SEC23B: variants seen among roughly 807,000 people sequenced by gnomAD.
SEC23B encodes the protein SEC23 homolog B, COPII component.
Under a neutral mutation model 104.3 loss-of-function variants are expected in SEC23B, and 77 were observed. The observed-to-expected ratio is 0.74, with a 90% CI of 0.61 to 0.89. SEC23B has a LOEUF of 0.89. Ranked by LOEUF, SEC23B falls within the 40% of genes least tolerant of loss-of-function variation. The pLI, the probability that SEC23B is intolerant of heterozygous loss-of-function variation, is 0.00. For synonymous variants in SEC23B, 338 were observed against 332.5 expected, an observed-to-expected ratio of 1.02 and a Z score of -0.18; for missense variants, 885 against 949.4, an observed-to-expected ratio of 0.93 and a Z score of 0.89.
chr20:18,558,567 C>G (rs2060462840), intron 19 of SEC23B, among the ~76,000 whole-genome samples: 1 of 152,100 alleles, frequency 6.6e-6, no homozygotes, highest in Non-Finnish European at 1.5e-5. Flanking sequence ...TTTGCAGTAC[C>G]CCAGGTACTA....
In SEC23B at chr20:18,510,852, A is replaced by C. The variant is rs369908885; in HGVS notation, c.17A>C (p.Glu6Ala). 9 of 1,613,912 alleles carry C rather than the reference A, an allele frequency of 5.6e-6. No individual in the cohort carries two copies. The highest frequency in any genetic ancestry group is 7.6e-6 in the Non-Finnish European group (9 of 1,179,794). Residue 6 changes from glutamate to alanine, a missense_variant, in exon 2 of 20, where the codon GAG (glutamate) becomes GCG (alanine). Physicochemically the swap from Glu to Ala is moderately radical, Grantham distance 107 (BLOSUM62 -1). Transcript: ENST00000650089. Reference sequence around the variant, plus strand: ...TTTTAGACTATGGCGACATACCTGGAGTTCATCCAGCAGAATGAAGAACGG... The same window carrying C: ...TTTTAGACTATGGCGACATACCTGGCGTTCATCCAGCAGAATGAAGAACGG... MATYLEFIQQNEERDG... is the reference protein window; with the variant it reads MATYLAFIQQNEERDG...
In SEC23B at chr20:18,510,970, G is replaced by C; in HGVS notation, c.135G>C (p.Leu45Phe). 1 of 1,614,134 alleles carries C rather than the reference G, an allele frequency of 6.2e-7. No individual in the cohort carries two copies. ...CCCTGGCTTGTCTCCTTACTCCTTTGAAAGAACGTCCAGACCTACCTCCTG... is the reference window on the plus strand; with the variant it reads ...CCCTGGCTTGTCTCCTTACTCCTTTCAAAGAACGTCCAGACCTACCTCCTG... ...VVPLACLLTP[L>F]KERPDLPPVQ... Residue 45 changes from leucine (L) to phenylalanine (F), a missense_variant, in exon 2 of 20, where the codon TTG becomes TTC. Transcript: ENST00000650089.
At chr20:18,522,353 C>T (rs986413175) in intron 4 of SEC23B, among the ~76,000 whole-genome samples, 2 of 152,304 alleles carry the variant, frequency 1.3e-5, no homozygotes, top group South Asian at 2.1e-4. Context: ...AGGCTGTCTT[C>T]CTGAGTCCGT....
In SEC23B at chr20:18,510,978, G is replaced by A. The variant is rs1350420225; in HGVS notation, c.143G>A (p.Arg48His). The change falls in exon 2 of 20, where the codon CGT becomes CAT. Residue 48 changes from arginine (R) to histidine (H), a missense_variant. Arg to His is a conservative substitution (Grantham distance 29). Coordinates refer to ENST00000650089, the MANE Select transcript of SEC23B (RefSeq NM_006363.6). ...TGTCTCCTTACTCCTTTGAAAGAACGTCCAGACCTACCTCCTGTACAATAT... is the reference window on the plus strand; with the variant it reads ...TGTCTCCTTACTCCTTTGAAAGAACATCCAGACCTACCTCCTGTACAATAT... ...LACLLTPLKE[R>H]PDLPPVQYEP... is the part of the protein sequence containing the mutation. The A allele has an allele frequency of 1.2e-6, 2 of 1,614,098 alleles. No homozygotes were observed. Among genetic ancestry groups the A allele is most frequent in the Non-Finnish European group, 1.7e-6 (2 of 1,180,002 alleles).
At chr20:18,508,496 CT>C (rs1600221550) in intron 1 of SEC23B, among the ~76,000 whole-genome samples, 1 of 152,260 alleles carries the variant, frequency 6.6e-6, no homozygotes, top group East Asian at 1.9e-4. Context: ...TTCCCCGATA[CT>C]TTGGTAAAAG....
At chr20:18,537,761 TA>T (rs946815528) in intron 12 of SEC23B, among the ~76,000 whole-genome samples, 1 of 151,960 alleles carries the variant, frequency 6.6e-6, no homozygotes, top group Admixed American at 6.5e-5. Context: ...AATAAATAAA[TA>T]AAAAAACCTG....
At chr20:18,547,581 C>T (rs1413313609) in intron 15 of SEC23B, among the ~76,000 whole-genome samples, 2 of 152,152 alleles carry the variant, frequency 1.3e-5, no homozygotes, top group Non-Finnish European at 2.9e-5. Context: ...TGCACCAACA[C>T]TTCACCATCC....
rs368409065 is a variant in SEC23B at position 18,560,686 on chromosome 20, C to T, written c.2250C>T (p.Ser750=). The T allele has an allele frequency of 2.5e-6, 4 of 1,614,040 alleles. No homozygotes were observed. The South Asian group carries it at 4.4e-5, about 18-fold the overall frequency. ...CACCCATCCTAACTGATGATGTTAG[C>T]CTGCAGGTGTTCATGGACCATTTGA... The part of the protein sequence containing the change: ...TGAPILTDDV[S]LQVFMDHLKK... The change falls in exon 20 of 20, where the codon AGC becomes AGT. Residue 750 remains serine (S), a synonymous_variant. Coordinates refer to ENST00000650089, the MANE Select transcript of SEC23B (RefSeq NM_006363.6).
rs1466936891 is a variant in SEC23B, at chr20:18,554,813, T to C, written c.2149-295T>C. On this transcript the variant is annotated intron_variant, in intron 18 of 19. Transcript: ENST00000650089. ...CTGCACTCCAGCTGGGGCTACAGAG[T>C]GAGACTCCGTCTCAAAAAAAAAAAA... is the stretch of plus-strand genomic sequence containing the variant. Among the ~76,000 whole-genome samples, 4 of 118,884 alleles carry C rather than the reference T, an allele frequency of 3.4e-5. No homozygotes were observed. The Admixed American group carries it at 3.9e-4, about 12-fold the overall frequency. The allele number at this position is 118,884 out of a possible 152,430, so 78.0% of individuals were successfully genotyped here. A position where few individuals can be genotyped will look rare whatever the true frequency, so the allele number is the denominator to read the frequency against.
At chr20:18,552,649 A>G (rs1001909991) in intron 17 of SEC23B, among the ~76,000 whole-genome samples, 2 of 152,118 alleles carry the variant, frequency 1.3e-5, no homozygotes. Context: ...CCCTGTCTCT[A>G]CTAAAAATAC....
At chr20:18,538,767 AG>A (rs1299855651) in intron 12 of SEC23B, among the ~76,000 whole-genome samples, 1 of 152,208 alleles carries the variant, frequency 6.6e-6, no homozygotes, top group African/African-American at 2.4e-5. Flanking sequence ...ACAGTGTCAC[AG>A]CATCTGCATG....
chr20:18,545,245 TAGG>T (rs2060321698), intron 14 of SEC23B, among the ~76,000 whole-genome samples: 1 of 151,896 alleles, frequency 6.6e-6, no homozygotes. Context: ...AGTCCACAGT[TAGG>T]GGGAGGAGGA....
chr20:18,549,998 A>G (rs936121565), intron 16 of SEC23B, among the ~76,000 whole-genome samples: 1 of 146,718 alleles, frequency 6.8e-6, no homozygotes, highest in African/African-American at 2.5e-5. Context: ...AAAAAGAAAT[A>G]ATTACATATA....
At chr20:18,530,418 A>G (rs940257457) in intron 9 of SEC23B, among the ~76,000 whole-genome samples, 10 of 152,044 alleles carry the variant, frequency 6.6e-5, no homozygotes, top group African/African-American at 2.2e-4. Context: ...TGTTTTTAGC[A>G]GAGATGGGGT....
intron 3 of SEC23B, among the ~76,000 whole-genome samples, chr20:18,514,058 G>A (rs1334996210): frequency 1.3e-5 from 2 of 152,182 alleles, no homozygotes. Context: ...CATGGTAAGT[G>A]CCATATAAGT....
intron 16 of SEC23B, among the ~76,000 whole-genome samples, chr20:18,549,929 G>A (rs534257740): frequency 1.3e-4 from 19 of 151,626 alleles, no homozygotes; most frequent in African/African-American, 2.9e-4. Context: ...AGTTGAGATC[G>A]CGCCACTGCA....
chr20:18,537,308 C>T (rs1600256928), intron 12 of SEC23B, among the ~76,000 whole-genome samples: 1 of 152,170 alleles, frequency 6.6e-6, no homozygotes, highest in East Asian at 1.9e-4. Context: ...TATTGTGGCT[C>T]TATTCACAAT....
rs1242303509 is a variant in SEC23B at position 18,516,551 on chromosome 20, C to CT, written c.366+828dup. On this transcript the variant is annotated intron_variant, in intron 4 of 19. Coordinates refer to ENST00000650089, the MANE Select transcript of SEC23B (RefSeq NM_006363.6). ...TTTGGGCTCTTTTTTTTTTCTTTTT[C>CT]TTTTTTTTTTTTTCTTCTGAGATGG... Among the ~76,000 whole-genome samples the CT allele has an allele frequency of 4.4e-3, 572 of 130,998 alleles. 6 individuals are homozygous for CT. Among genetic ancestry groups the CT allele is most frequent in the African/African-American group, 0.014 (480 of 34,242 alleles). 85.9% of individuals were successfully genotyped at this position (130,998 alleles called of 152,430 possible).
chr20:18,518,818 C>G (rs780805312), intron 4 of SEC23B, among the ~76,000 whole-genome samples: 4 of 152,020 alleles, frequency 2.6e-5, no homozygotes, highest in Non-Finnish European at 5.9e-5. Context: ...TGTATGACTC[C>G]TGCTTCCTTT....
Sources: allele counts gnomAD v4.1 joint callset (sites outside exome capture counted in the v4.1 genomes callset), GRCh38; gene constraint gnomAD v4.1.1; transcripts MANE v1.5; gene names NCBI Gene and HGNC (gene_info 2026-07-23, HGNC 2026-07-21).